GRTP1: variants seen among roughly 807,000 people sequenced by gnomAD.
The protein encoded by GRTP1 is growth hormone regulated TBC protein 1.
GRTP1 carries 56 observed loss-of-function variants against 38.1 expected under a neutral mutation model. The ratio of observed to expected loss-of-function variants is 1.47; its 90% CI spans 1.19 to 1.84. The LOEUF (loss-of-function observed/expected upper bound fraction) is 1.84. GRTP1 is among the 40% of genes most tolerant of loss of function. The pLI, the probability that GRTP1 is intolerant of heterozygous loss-of-function variation, is 0.00. For missense variants in GRTP1, 506 were observed against 453.9 expected (o/e 1.11, Z -1.04); for synonymous variants, 217 against 189.5 (o/e 1.14, Z -1.19).
At chr13:113,359,589 A>G (rs1454482642) in intron 2 of GRTP1, 1 of 152,192 alleles carries the variant, frequency 6.6e-6, no homozygotes, top group Non-Finnish European at 1.5e-5. Flanking sequence ...TAACAATAAT[A>G]TCAAGGTTGT....
intron 2 of GRTP1, 45 bp downstream of exon 2, chr13:113,363,717 A>AACCCGCCTGCGCCCTCGGG: frequency 6.6e-7 from 1 of 1,516,666 alleles, no homozygotes; most frequent in African/African-American, 1.4e-5. Context: ...GTCCCAGCCC[A>AACCCGCCTGCGCCCTCGGG]ACCCACCTGC....
chr13:113,329,519 G>GT (rs1266267730), intron 5 of GRTP1, among the ~76,000 whole-genome samples: 6 of 152,160 alleles, frequency 3.9e-5, no homozygotes, highest in African/African-American at 1.4e-4. Context: ...GGGAGATGAA[G>GT]GTTGCAGTGA....
At chr13:113,360,146 C>T (rs1376227918) in intron 2 of GRTP1, 2 of 152,026 alleles carry the variant, frequency 1.3e-5, no homozygotes, top group Non-Finnish European at 2.9e-5. Context: ...AGCCAACGGC[C>T]CTGAAGCTGC....
chr13:113,338,417 G>T (rs1056411025), intron 5 of GRTP1, among the ~76,000 whole-genome samples: 1 of 152,084 alleles, frequency 6.6e-6, no homozygotes, highest in African/African-American at 2.4e-5. Context: ...TCCCTTAATT[G>T]GACCCCCTCT....
chr13:113,347,348 G>GCCT, intron 4 of GRTP1, among the ~76,000 whole-genome samples: 1 of 86,268 alleles, frequency 1.2e-5, no homozygotes, highest in African/African-American at 5.3e-5. Context: ...GGACCTCTGT[G>GCCT]GCCAAGAACA....
intron 5 of GRTP1, among the ~76,000 whole-genome samples, chr13:113,330,140 T>A (rs571248257): frequency 1.5e-5 from 2 of 136,748 alleles, no homozygotes; most frequent in Non-Finnish European, 3.1e-5. Context: ...AACCCAGGAG[T>A]GTGCATGGAA....
In GRTP1 at chr13:113,332,207, G is replaced by A. The variant is rs115108650; in HGVS notation, c.563-6116C>T. Among the ~76,000 whole-genome samples the A allele has an allele frequency of 5.6e-3, 840 of 150,670 alleles. 7 individuals carry two copies. The highest frequency in any genetic ancestry group is 0.02 in the African/African-American group (807 of 40,846). Reference sequence around the variant, plus strand: ...AACATTTCAGCACATTTGCTCCCCCGTCACCTCCCTATCTGCACGCACACC... The same window carrying A: ...AACATTTCAGCACATTTGCTCCCCCATCACCTCCCTATCTGCACGCACACC... On this transcript the variant is annotated intron_variant, in intron 5 of 7. Transcript: ENST00000375431.
chr13:113,326,395 G>GGGGGGGGGC, intron 5 of GRTP1, among the ~76,000 whole-genome samples: 1 of 64,856 alleles, frequency 1.5e-5, no homozygotes, highest in East Asian at 6.2e-4. Context: ...GGGGGGGCGG[G>GGGGGGGGGC]AGCGTGGCTC....
Position 113,324,294 on chromosome 13 carries a change from A to ACTT in GRTP1, c.*191_*193dup, listed in dbSNP as rs1218167980. ...AAATAAGTTTTCTTTAAAAAGTATGACTTCATAGCTAATCATCAAAAGCTG... is the reference window on the plus strand; with the variant it reads ...AAATAAGTTTTCTTTAAAAAGTATGACTTCTTCATAGCTAATCATCAAAAGCTG... On this transcript the variant is annotated 3_prime_UTR_variant, in exon 8 of 8. Transcript: ENST00000375431. 1.1e-5 allele frequency: 8 copies of ACTT among 718,378 alleles called. No individual in the cohort carries two copies. The highest frequency in any genetic ancestry group is 4.3e-4 in the Middle Eastern group (1 of 2,336). The allele number at this position is 718,378 out of a possible 1,614,324, so 44.5% of individuals were successfully genotyped here. A position where few individuals can be genotyped will look rare whatever the true frequency, so the allele number is the denominator to read the frequency against.
chr13:113,361,366 T>C (rs944984776), intron 2 of GRTP1, among the ~76,000 whole-genome samples: 14 of 152,060 alleles, frequency 9.2e-5, no homozygotes, highest in Non-Finnish European at 8.8e-5. Context: ...CCCAAGTCCA[T>C]ATTGGAAAGT....
At position 113,333,836 on chromosome 13, in the gene GRTP1, TTA is replaced by T. The variant is rs1491221126; in HGVS notation, c.563-7747_563-7746del. Among the ~76,000 whole-genome samples, 812 of 102,360 alleles carry T rather than the reference TTA, an allele frequency of 7.9e-3. 3 individuals are homozygous for T. The highest frequency in any genetic ancestry group is 0.032 in the East Asian group (112 of 3,526). 67.2% of individuals were successfully genotyped at this position (102,360 alleles called of 152,430 possible). The stretch of plus-strand genomic sequence containing the variant: ...TTTATTTATTTATTTATTTATTTAT[TTA>T]GTGTGTGTGTGTGTGTGTGTGTGTG... On this transcript the variant is annotated intron_variant, in intron 5 of 7. Transcript: ENST00000375431.
Position 113,325,491 on chromosome 13 carries a change from C to T in GRTP1, c.921+170G>A, listed in dbSNP as rs531140608. On this transcript the variant is annotated intron_variant, in intron 7 of 7. Transcript: ENST00000375431. ...GGGCCGCCATAGACAGGAAAGCCCT[C>T]GGAGGCCAGGCGCAGGGGGCAGATG... 6.0e-5 allele frequency: 88 copies of T among 1,471,230 alleles called. No homozygotes were observed. In the South Asian group the frequency reaches 8.8e-4, roughly 15 times the overall value. 91.1% of individuals were successfully genotyped at this position (1,471,230 alleles called of 1,614,324 possible).
chr13:113,333,838 A>ATTTATTTATTTAGTGT (rs749095615), intron 5 of GRTP1, among the ~76,000 whole-genome samples: 32 of 23,596 alleles, frequency 1.4e-3, no homozygotes, highest in African/African-American at 2.2e-3. Flanking sequence ...TTATTTATTT[A>ATTTATTTATTTAGTGT]GTGTGTGTGT....
chr13:113,345,789 C>T (rs975789480), intron 4 of GRTP1, among the ~76,000 whole-genome samples: 12 of 152,358 alleles, frequency 7.9e-5, no homozygotes, highest in East Asian at 3.9e-4. Flanking sequence ...CAGCCTTACA[C>T]GTCCCTTGGC....
intron 7 of GRTP1, 132 bp downstream of exon 7, chr13:113,325,529 G>A (rs1434431123): frequency 1.3e-6 from 2 of 1,543,712 alleles, no homozygotes; most frequent in Non-Finnish European, 1.7e-6. Context: ...GGACAGAGCT[G>A]GAGGCTCATC....
intron 5 of GRTP1, among the ~76,000 whole-genome samples, chr13:113,337,623 C>CTT (rs1174261207): frequency 6.6e-6 from 1 of 152,366 alleles, no homozygotes; most frequent in Non-Finnish European, 1.5e-5. Flanking sequence ...ACTTAAGGTG[C>CTT]AAGGCCTGAG....
chr13:113,354,205 C>T (rs2043337727), intron 3 of GRTP1, among the ~76,000 whole-genome samples: 1 of 152,232 alleles, frequency 6.6e-6, no homozygotes, highest in Admixed American at 6.5e-5. Flanking sequence ...CCTGAATCAG[C>T]GTTTCTGGCC....
intron 2 of GRTP1, 45 bp downstream of exon 2, chr13:113,363,717 A>AAACCACCTGCGCCCTCGGG: frequency 1.3e-6 from 2 of 1,525,494 alleles, no homozygotes; most frequent in Non-Finnish European, 1.8e-6. Context: ...GTCCCAGCCC[A>AAACCACCTGCGCCCTCGGG]ACCCACCTGC....
In GRTP1 at chr13:113,363,912, T is replaced by G; in HGVS notation, c.33-2A>C. ...CGCTCGAATCCGTACGGGTCGATCC[T>G]GCAAAACCGAGAGAAGGAGGCCGGC... On this transcript the variant is annotated splice_acceptor_variant, in intron 1 of 7. Coordinates refer to ENST00000375431, the MANE Select transcript of GRTP1 (RefSeq NM_024719.4). LOFTEE classifies it high-confidence loss of function. 1 of 1,609,072 alleles carries G rather than the reference T, an allele frequency of 6.2e-7. No individual in the cohort carries two copies.
Sources: gnomAD v4.1 joint callset for allele counts (sites outside exome capture counted in the v4.1 genomes callset) on GRCh38, gnomAD v4.1.1 for gene constraint, MANE v1.5 for transcripts, NCBI Gene and HGNC (gene_info 2026-07-23, HGNC 2026-07-21) for gene names.